Variants in MORC1 observed in about 807,000 individuals in gnomAD.
MORC1 encodes MORC family CW-type zinc finger 1, also known as MORC family CW-type zinc finger protein 1.
MORC1 carries 59 observed loss-of-function variants against 134.9 expected under a neutral mutation model. That is an observed-to-expected ratio of 0.44 (90% CI 0.35 to 0.54). The LOEUF is 0.54. MORC1 is among the 20% of genes least tolerant of loss of function. MORC1 has a pLI of 0.00. For synonymous variants in MORC1, 395 were observed against 391.7 expected, an observed-to-expected ratio of 1.01 and a Z score of -0.10; for missense variants, 947 against 1,134.5, an observed-to-expected ratio of 0.83 and a Z score of 2.37.
intron 8 of MORC1, among the ~76,000 whole-genome samples, chr3:109,083,873 C>T (rs892109527): frequency 9.2e-5 from 14 of 152,150 alleles, no homozygotes; most frequent in Non-Finnish European, 1.5e-4. Flanking sequence ...AATAAATAAA[C>T]GTGAAACATC....
At chr3:109,056,681 C>G (rs778179751) in intron 13 of MORC1, among the ~76,000 whole-genome samples, 2 of 152,188 alleles carry the variant, frequency 1.3e-5, no homozygotes, top group Admixed American at 6.5e-5. Flanking sequence ...CAATGCTGCA[C>G]TATAGGTGCT....
At chr3:109,068,233 T>C (rs1950242958) in intron 9 of MORC1, among the ~76,000 whole-genome samples, 1 of 152,202 alleles carries the variant, frequency 6.6e-6, no homozygotes. Context: ...CCATAAGTTA[T>C]TGGGGTACAG....
chr3:109,047,912 T>C (rs866292548), intron 14 of MORC1, among the ~76,000 whole-genome samples: 3 of 152,296 alleles, frequency 2.0e-5, no homozygotes, highest in African/African-American at 4.8e-5. Flanking sequence ...AATCTACGCA[T>C]TGATCATGAC....
chr3:109,059,348 G>A (rs138709647), intron 12 of MORC1, among the ~76,000 whole-genome samples: 4 of 152,108 alleles, frequency 2.6e-5, no homozygotes, highest in African/African-American at 4.8e-5. Context: ...CATTTTTAGC[G>A]ATATATAAGC....
chr3:109,019,647 T>G (rs1414980893), intron 17 of MORC1, among the ~76,000 whole-genome samples: 1 of 152,240 alleles, frequency 6.6e-6, no homozygotes, highest in Non-Finnish European at 1.5e-5. Flanking sequence ...CTTTGGCAGA[T>G]TATTTCTCTG....
intron 1 of MORC1, among the ~76,000 whole-genome samples, chr3:109,117,724 T>C (rs1326640231): frequency 6.6e-6 from 1 of 152,232 alleles, no homozygotes; most frequent in Admixed American, 6.5e-5. Flanking sequence ...ACAGTTCTGC[T>C]GACCAACAAT....
intron 14 of MORC1, among the ~76,000 whole-genome samples, chr3:109,047,980 C>G (rs1576676772): frequency 1.3e-5 from 2 of 152,272 alleles, no homozygotes; most frequent in Admixed American, 1.3e-4. Context: ...ACACTACCAC[C>G]TATGAAACAT....
intron 18 of MORC1, among the ~76,000 whole-genome samples, chr3:109,005,575 C>T (rs1025742675): frequency 6.6e-6 from 1 of 152,170 alleles, no homozygotes; most frequent in African/African-American, 2.4e-5. Flanking sequence ...TGAGAACATA[C>T]TGTGCATTCT....
chr3:109,002,752 C>A (rs1238314503), intron 20 of MORC1, among the ~76,000 whole-genome samples: 1 of 152,150 alleles, frequency 6.6e-6, no homozygotes, highest in Non-Finnish European at 1.5e-5. Context: ...AAAGAAAACT[C>A]TGGTCATGTC....
chr3:109,082,979 T>C (rs1950550067), intron 8 of MORC1, among the ~76,000 whole-genome samples: 1 of 151,962 alleles, frequency 6.6e-6, no homozygotes, highest in Non-Finnish European at 1.5e-5. Flanking sequence ...CCAATGCATA[T>C]AAGAATCAAA....
In MORC1 at chr3:108,987,862, G is replaced by A. The variant is rs3804706; in HGVS notation, c.2188-913C>T. ...TATTTTGTAAAACTGTGAGAAGCTG[G>A]AGGAACAGGCAGTTATGAAAGAAAG... On this transcript the variant is annotated intron_variant, in intron 21 of 27. Transcript: ENST00000232603. Among the ~76,000 whole-genome samples the A allele has an allele frequency of 1.6e-4, 24 of 151,998 alleles. 2 individuals are homozygous for A. In the East Asian group the frequency reaches 4.5e-3, roughly 28 times the overall value.
Position 109,103,922 on chromosome 3 carries a change from A to G in MORC1, c.155-5T>C. ...CCTGCAGTTTTTCATTATCCACTGT[A>G]AGAGAAAGCAGTTATTACTAATAAA... is the stretch of plus-strand genomic sequence containing the variant. On this transcript the variant is annotated splice_polypyrimidine_tract_variant and splice_region_variant and intron_variant, in intron 3 of 27. Transcript: ENST00000232603. The G allele has an allele frequency of 6.2e-7, 1 of 1,612,212 alleles. No individual in the cohort carries two copies. The highest frequency in any genetic ancestry group is 1.1e-5 in the South Asian group (1 of 90,984).
At chr3:109,088,167 C>T (rs1488721333) in intron 8 of MORC1, among the ~76,000 whole-genome samples, 1 of 152,054 alleles carries the variant, frequency 6.6e-6, no homozygotes, top group Admixed American at 6.6e-5. Context: ...TAGGAACAGG[C>T]ACAGATTTCA....
At position 109,069,721 on chromosome 3, in the gene MORC1, A is replaced by G. The variant is rs923229446; in HGVS notation, c.726T>C (p.Ser242=). 1 of 1,612,196 alleles carries G rather than the reference A, an allele frequency of 6.2e-7. No homozygotes were observed. The highest frequency in any genetic ancestry group is 8.5e-7 in the Non-Finnish European group (1 of 1,178,682). ...PARWSFRAYT[S]VLYFNPWMRI... The stretch of plus-strand genomic sequence containing the variant: ...TCATCCATGGGTTAAAATACAGAAC[A>G]GATGTGTAGGCTCTGAATGACCACC... The change falls in exon 9 of 28, where the codon TCT becomes TCC. Residue 242 remains serine, a synonymous_variant. Transcript: ENST00000232603.
In MORC1 at chr3:108,979,577, C is replaced by A. The variant is rs777002185; in HGVS notation, c.2415G>T (p.Ser805=). The change falls in exon 24 of 28, where the codon TCG becomes TCT. Residue 805 remains serine (S), a synonymous_variant. Transcript: ENST00000232603. Reference sequence around the variant, plus strand: ...CAGGTGTGCTTTGAGAAGACGCTGGCGAAGAAGCAACTTTACAACTGCCAC... The same window carrying A: ...CAGGTGTGCTTTGAGAAGACGCTGGAGAAGAAGCAACTTTACAACTGCCAC... ...SVSGSCKVAS[S]PASSQSTPVK... 5.6e-6 allele frequency: 9 copies of A among 1,613,958 alleles called. No individual in the cohort carries two copies. The South Asian group carries it at 6.6e-5, about 12-fold the overall frequency.
At chr3:109,035,516 A>G (rs564139472) in intron 14 of MORC1, 48 bp from the exon 15 acceptor site, 12 of 1,237,344 alleles carry the variant, frequency 9.7e-6, no homozygotes, top group African/African-American at 1.5e-5. Context: ...AAATCATTAA[A>G]ATCAAAACAA....
At chr3:108,996,284 G>GCACACACACACACACACACA (rs1367526527) in intron 21 of MORC1, among the ~76,000 whole-genome samples, 9 of 77,534 alleles carry the variant, frequency 1.2e-4, no homozygotes, top group African/African-American at 2.6e-4. Flanking sequence ...GTGCGCGCGC[G>GCACACACACACACACACACA]CGCACACACA....
chr3:108,972,688 C>T (rs3804718), intron 24 of MORC1, among the ~76,000 whole-genome samples: 90,693 of 152,058 alleles, frequency 0.6, 27,541 homozygotes, highest in Middle Eastern at 0.68. Context: ...TGGGTCAACA[C>T]TACGGCCGTT....
intron 8 of MORC1, among the ~76,000 whole-genome samples, chr3:109,074,323 T>C (rs919374488): frequency 5.9e-5 from 9 of 152,194 alleles, no homozygotes; most frequent in Non-Finnish European, 8.8e-5. Flanking sequence ...TTTTCTAGTT[T>C]CTTACAAAGT....
Sources: gnomAD v4.1 joint callset for allele counts (sites outside exome capture counted in the v4.1 genomes callset) on GRCh38, gnomAD v4.1.1 for gene constraint, MANE v1.5 for transcripts, NCBI Gene and HGNC (gene_info 2026-07-23, HGNC 2026-07-21) for gene names.